Variants in CCDC148 observed in about 807,000 individuals in gnomAD.
CCDC148 encodes the protein coiled-coil domain-containing protein 148.
In CCDC148, 89 loss-of-function variants were observed where a neutral mutation model predicts 85.7. The observed-to-expected ratio is 1.04, with a 90% CI of 0.87 to 1.24. The LOEUF (loss-of-function observed/expected upper bound fraction) is 1.24, where lower values mean the gene tolerates loss of function less well. Among genes scored for constraint, CCDC148 ranks in the 50% most tolerant of loss-of-function variants. CCDC148 has a pLI of 0.00. For missense variants in CCDC148, 692 were observed against 671.7 expected (o/e 1.03, Z -0.33); for synonymous variants, 230 against 213.9 (o/e 1.08, Z -0.66).
chr2:158,416,308 T>C (rs1205138424), intron 1 of CCDC148, among the ~76,000 whole-genome samples: 1 of 152,192 alleles, frequency 6.6e-6, no homozygotes, highest in Non-Finnish European at 1.5e-5. Flanking sequence ...GAAGGCATTT[T>C]CCCTATTTTC....
intron 11 of CCDC148, among the ~76,000 whole-genome samples, chr2:158,217,357 A>C (rs1326041672): frequency 1.1e-5 from 1 of 91,514 alleles, no homozygotes; most frequent in African/African-American, 3.6e-5. Flanking sequence ...TATATATATA[A>C]AATTTTGTGT....
intron 1 of CCDC148, among the ~76,000 whole-genome samples, chr2:158,385,261 T>A (rs967841742): frequency 1.3e-5 from 2 of 152,094 alleles, no homozygotes; most frequent in Non-Finnish European, 2.9e-5. Context: ...CTTAATTACA[T>A]CTCTAAATCT....
intron 7 of CCDC148, among the ~76,000 whole-genome samples, chr2:158,329,181 C>T (rs969788946): frequency 9.9e-5 from 15 of 152,192 alleles, no homozygotes; most frequent in African/African-American, 3.1e-4. Flanking sequence ...CATCTTGAAT[C>T]AATTTTTGTA....
At chr2:158,436,452 G>C (rs185700732) in intron 1 of CCDC148, among the ~76,000 whole-genome samples, 7,117 of 152,222 alleles carry the variant, frequency 0.047, 245 homozygotes, top group Non-Finnish European at 0.063. Flanking sequence ...CAACATACCA[G>C]AATCTCTGGG....
At chr2:158,448,141 C>G (rs1445207615) in intron 1 of CCDC148, among the ~76,000 whole-genome samples, 1 of 152,044 alleles carries the variant, frequency 6.6e-6, no homozygotes, top group East Asian at 1.9e-4. Context: ...ATCCCTTTCA[C>G]TATTGCTCTG....
chr2:158,358,203 T>C (rs1247721136), intron 2 of CCDC148, among the ~76,000 whole-genome samples: 1 of 152,140 alleles, frequency 6.6e-6, no homozygotes, highest in Non-Finnish European at 1.5e-5. Context: ...TTTAAAAAAA[T>C]AAAGTTGAAT....
At chr2:158,406,980 A>T (rs1469376891) in intron 1 of CCDC148, among the ~76,000 whole-genome samples, 2 of 152,054 alleles carry the variant, frequency 1.3e-5, no homozygotes, top group Non-Finnish European at 2.9e-5. Flanking sequence ...AGATTAATAC[A>T]AGTGTGGCTT....
intron 9 of CCDC148, among the ~76,000 whole-genome samples, chr2:158,269,332 G>T (rs1689601984): frequency 6.6e-6 from 1 of 152,030 alleles, no homozygotes; most frequent in African/African-American, 2.4e-5. Flanking sequence ...TCATGTACCT[G>T]TTGGCTCTTG....
intron 10 of CCDC148, among the ~76,000 whole-genome samples, chr2:158,225,401 C>A (rs992352203): frequency 2.0e-5 from 3 of 152,066 alleles, no homozygotes; most frequent in Non-Finnish European, 4.4e-5. Context: ...ATCAACGAGA[C>A]AGAAAGTTAA....
chr2:158,174,852 T>C (rs1218137954), intron 13 of CCDC148, among the ~76,000 whole-genome samples: 1 of 152,036 alleles, frequency 6.6e-6, no homozygotes, highest in Non-Finnish European at 1.5e-5. Context: ...ATTATAATCT[T>C]AAGGGACCAC....
At chr2:158,260,055 G>A (rs1387912034) in intron 9 of CCDC148, among the ~76,000 whole-genome samples, 1 of 151,822 alleles carries the variant, frequency 6.6e-6, no homozygotes, top group Non-Finnish European at 1.5e-5. Context: ...TATATAAATT[G>A]TTTTATTAAT....
intron 9 of CCDC148, among the ~76,000 whole-genome samples, chr2:158,280,910 A>G (rs1286618045): frequency 3.3e-5 from 5 of 152,204 alleles, no homozygotes; most frequent in Non-Finnish European, 7.3e-5. Flanking sequence ...AAAAGAACAG[A>G]AATTATAACA....
At chr2:158,347,002 C>T (rs187232503) in intron 2 of CCDC148, among the ~76,000 whole-genome samples, 161 of 152,182 alleles carry the variant, frequency 1.1e-3, no homozygotes, top group African/African-American at 3.8e-3. Flanking sequence ...GAGGAAAGTA[C>T]GTTTTTAAAA....
intron 1 of CCDC148, among the ~76,000 whole-genome samples, chr2:158,391,797 G>A (rs929478228): frequency 6.6e-6 from 1 of 152,134 alleles, no homozygotes; most frequent in African/African-American, 2.4e-5. Context: ...CTTTGGGACT[G>A]TGATTACACA....
chr2:158,285,312 G>T (rs1690567717), intron 9 of CCDC148, among the ~76,000 whole-genome samples: 1 of 150,044 alleles, frequency 6.7e-6, no homozygotes, highest in South Asian at 2.1e-4. Context: ...AAAAATCAGT[G>T]TATGAGATTA....
chr2:158,409,727 G>A (rs1227225738), intron 1 of CCDC148, among the ~76,000 whole-genome samples: 1 of 152,166 alleles, frequency 6.6e-6, no homozygotes, highest in African/African-American at 2.4e-5. Context: ...TTTTAAATGT[G>A]AGGACATGAG....
At chr2:158,337,687 G>T (rs1159598886) in intron 7 of CCDC148, among the ~76,000 whole-genome samples, 1 of 152,124 alleles carries the variant, frequency 6.6e-6, no homozygotes, top group East Asian at 1.9e-4. Context: ...AGAAAAAGGG[G>T]TCCAACTTCA....
intron 1 of CCDC148, among the ~76,000 whole-genome samples, chr2:158,384,703 C>A (rs998893255): frequency 6.6e-6 from 1 of 151,986 alleles, no homozygotes; most frequent in African/African-American, 2.4e-5. Flanking sequence ...AAGAAGGGAC[C>A]AAAACAAATG....
At chr2:158,427,463 C>G (rs1443365331) in intron 1 of CCDC148, among the ~76,000 whole-genome samples, 1 of 152,022 alleles carries the variant, frequency 6.6e-6, no homozygotes, top group Non-Finnish European at 1.5e-5. Flanking sequence ...GAAGAGGTGG[C>G]AAAGCTGAAT....
Sources: allele counts gnomAD v4.1 joint callset (sites outside exome capture counted in the v4.1 genomes callset), GRCh38; gene constraint gnomAD v4.1.1; transcripts MANE v1.5; gene names NCBI Gene and HGNC (gene_info 2026-07-23, HGNC 2026-07-21).